The following ELMO1 variants were observed in gnomAD, a reference collection of about 807,000 sequenced individuals.
ELMO1 encodes the protein engulfment and cell motility 1.
A neutral mutation model predicts 98.9 loss-of-function variants in ELMO1; 26 were observed. The ratio of observed to expected loss-of-function variants is 0.26; its 90% confidence interval spans 0.19 to 0.36. The LOEUF is 0.36. Among genes scored for constraint, ELMO1 ranks in the 10% least tolerant of loss-of-function variants. ELMO1 has a pLI of 1.00. For synonymous variants in ELMO1, 346 were observed against 346.0 expected, an observed-to-expected ratio of 1.00 and a Z score of 0.00; for missense variants, 627 against 935.2, an observed-to-expected ratio of 0.67 and a Z score of 4.30.
chr7:37,278,829 G>A (rs190796260), intron 4 of ELMO1, among the ~76,000 whole-genome samples: 289 of 152,208 alleles, frequency 1.9e-3, no homozygotes, highest in Non-Finnish European at 3.0e-3. Context: ...GTCTTATCAG[G>A]GTCAATCCAA....
chr7:36,867,931 CTATCTT>C (rs1470031365), intron 20 of ELMO1, among the ~76,000 whole-genome samples: 2 of 152,218 alleles, frequency 1.3e-5, no homozygotes, highest in East Asian at 3.9e-4. Context: ...AAAATGTGGT[CTATCTT>C]GGTGAATGTT....
intron 15 of ELMO1, among the ~76,000 whole-genome samples, chr7:37,079,598 C>T (rs189966124): frequency 7.4e-4 from 112 of 152,274 alleles, no homozygotes; most frequent in African/African-American, 2.3e-3. Context: ...TCCCCCACTC[C>T]GGTGAAATCA....
intron 10 of ELMO1, among the ~76,000 whole-genome samples, chr7:37,218,438 A>G (rs574454172): frequency 6.6e-6 from 1 of 152,322 alleles, no homozygotes; most frequent in South Asian, 2.1e-4. Context: ...TGTTTGATAA[A>G]ATAACAAATA....
intron 1 of ELMO1, among the ~76,000 whole-genome samples, chr7:37,402,308 T>G (rs1321068498): frequency 6.6e-6 from 1 of 152,104 alleles, no homozygotes; most frequent in African/African-American, 2.4e-5. Context: ...TTAGAGAGAC[T>G]CTAAATTACT....
intron 13 of ELMO1, among the ~76,000 whole-genome samples, chr7:37,177,160 T>C (rs1266894426): frequency 3.9e-5 from 6 of 152,212 alleles, no homozygotes; most frequent in African/African-American, 9.6e-5. Context: ...AAACATAGCA[T>C]GTTCTAGCAG....
intron 16 of ELMO1, among the ~76,000 whole-genome samples, chr7:36,906,829 AG>A (rs1784001180): frequency 6.6e-6 from 1 of 152,176 alleles, no homozygotes; most frequent in Admixed American, 6.5e-5. Context: ...TTATAAGAGT[AG>A]ATCTCAGTAA....
At chr7:37,263,138 TACA>T (rs1796061156) in intron 5 of ELMO1, among the ~76,000 whole-genome samples, 2 of 152,120 alleles carry the variant, frequency 1.3e-5, no homozygotes, top group African/African-American at 2.4e-5. Context: ...AATCTGGAAA[TACA>T]ACATTTATTA....
At chr7:37,246,291 T>C (rs1019201484) in intron 6 of ELMO1, among the ~76,000 whole-genome samples, 1 of 152,184 alleles carries the variant, frequency 6.6e-6, no homozygotes. Context: ...CAATAATTAA[T>C]TCAGATAAGA....
chr7:37,016,707 G>A (rs981084493), intron 15 of ELMO1, among the ~76,000 whole-genome samples: 4 of 152,092 alleles, frequency 2.6e-5, no homozygotes, highest in African/African-American at 4.8e-5. Flanking sequence ...GCCACGCACC[G>A]GGCACTGAAT....
chr7:37,332,077 C>T (rs960282183), intron 2 of ELMO1, among the ~76,000 whole-genome samples: 4 of 152,118 alleles, frequency 2.6e-5, no homozygotes, highest in African/African-American at 4.8e-5. Context: ...CCAAACAGAT[C>T]GCCACGAGTT....
chr7:36,858,904 A>C (rs140152092), intron 21 of ELMO1, among the ~76,000 whole-genome samples: 1 of 152,338 alleles, frequency 6.6e-6, no homozygotes, highest in East Asian at 1.9e-4. Flanking sequence ...TGACTTCTGA[A>C]GTCCAGAATT....
intron 16 of ELMO1, among the ~76,000 whole-genome samples, chr7:36,947,046 T>TA (rs773423829): frequency 1.3e-5 from 2 of 152,070 alleles, no homozygotes; most frequent in East Asian, 1.9e-4. Context: ...AATGCTGAGG[T>TA]TTGGACTTCT....
At chr7:37,412,934 C>T (rs1335991053) in intron 1 of ELMO1, among the ~76,000 whole-genome samples, 1 of 152,172 alleles carries the variant, frequency 6.6e-6, no homozygotes, top group African/African-American at 2.4e-5. Context: ...CAGATGACTG[C>T]AGCCCCAGCT....
At position 36,946,631 on chromosome 7, in the gene ELMO1, C is replaced by G. The variant is rs955897264; in HGVS notation, c.1438-51614G>C. Among the ~76,000 whole-genome samples, 12 of 152,172 alleles carry G rather than the reference C, an allele frequency of 7.9e-5. No individual in the cohort carries two copies. The East Asian group carries it at 2.1e-3, about 27-fold the overall frequency. Reference sequence around the variant, plus strand: ...GGGGTTGGGGGCTCTCCCTAAAAACCCACTTTCTTCTAAAACCATCAAGAT... The same window carrying G: ...GGGGTTGGGGGCTCTCCCTAAAAACGCACTTTCTTCTAAAACCATCAAGAT... On this transcript the variant is annotated intron_variant, in intron 16 of 21. Coordinates refer to ENST00000310758, the MANE Select transcript of ELMO1 (RefSeq NM_014800.11).
At chr7:37,196,717 C>T (rs1311259607) in intron 13 of ELMO1, among the ~76,000 whole-genome samples, 1 of 152,246 alleles carries the variant, frequency 6.6e-6, no homozygotes, top group Non-Finnish European at 1.5e-5. Context: ...AAAATTAAGT[C>T]TGCATATGTC....
chr7:37,289,843 T>C (rs1797585726), intron 4 of ELMO1, among the ~76,000 whole-genome samples: 1 of 152,124 alleles, frequency 6.6e-6, no homozygotes, highest in Admixed American at 6.6e-5. Flanking sequence ...ATACTAGGTG[T>C]CAGAGGAGAG....
chr7:37,373,554 A>T (rs1169195173), intron 1 of ELMO1, among the ~76,000 whole-genome samples: 1 of 151,900 alleles, frequency 6.6e-6, no homozygotes, highest in African/African-American at 2.4e-5. Context: ...GGTTGTGGTG[A>T]GCCGAGATCA....
chr7:37,083,905 C>T (rs1783616692), intron 15 of ELMO1, among the ~76,000 whole-genome samples: 1 of 152,176 alleles, frequency 6.6e-6, no homozygotes, highest in South Asian at 2.1e-4. Flanking sequence ...TCACTGGAGT[C>T]CTGCCTAGAA....
chr7:37,246,196 A>G, intron 6 of ELMO1, among the ~76,000 whole-genome samples: 1 of 152,206 alleles, frequency 6.6e-6, no homozygotes. Flanking sequence ...GGGAAAAAAC[A>G]GAGCTCTTAC....
Sources: gnomAD v4.1 joint callset for allele counts (sites outside exome capture counted in the v4.1 genomes callset) on GRCh38, gnomAD v4.1.1 for gene constraint, MANE v1.5 for transcripts, NCBI Gene and HGNC (gene_info 2026-07-23, HGNC 2026-07-21) for gene names.